The following DDX5 variants were observed in gnomAD, a reference collection of about 807,000 sequenced individuals.
The protein encoded by DDX5 is probable ATP-dependent RNA helicase DDX5.
A neutral mutation model predicts 68.6 loss-of-function variants in DDX5; 6 were observed. The ratio of observed to expected loss-of-function variants is 0.09; its 90% CI spans 0.05 to 0.17. The LOEUF (loss-of-function observed/expected upper bound fraction) is 0.17, where lower values mean the gene tolerates loss of function less well. Ranked by LOEUF, DDX5 falls within the 10% of genes least tolerant of loss-of-function variation. The pLI is 1.00. For synonymous variants in DDX5, 350 were observed against 247.0 expected, an observed-to-expected ratio of 1.42 and a Z score of -3.91; for missense variants, 499 against 756.1, an observed-to-expected ratio of 0.66 and a Z score of 3.99.
In DDX5 at chr17:64,502,187, T is replaced by C. The variant is rs782248864; in HGVS notation, c.1131A>G (p.Gln377=). Residue 377 remains glutamine, a synonymous_variant, in exon 10 of 13, where the codon CAA becomes CAG. Transcript: ENST00000225792. Reference sequence around the variant, plus strand: ...CATTTAGAACCCAGTCACGCTCTTGTTGACTCTTGTCACCATGGATACCCA... The same window carrying C: ...CATTTAGAACCCAGTCACGCTCTTGCTGACTCTTGTCACCATGGATACCCA... ...PAMGIHGDKS[Q]QERDWVLNEF... is the part of the protein sequence containing the mutation. 30 of 1,614,038 alleles carry C rather than the reference T, an allele frequency of 1.9e-5. No homozygotes were observed.
Position 64,500,011 on chromosome 17 carries a change from T to G in DDX5, c.1757A>C (p.Asn586Thr). ...QYGSNVPNMH[N>T]GMNQQAYAYP... ...TGCATATGCCTGTTGGTTCATACCA[T>G]TGTGCATATTTGGAACATTACTTCC... The change falls in exon 13 of 13, where the codon AAT (asparagine) becomes ACT (threonine). Residue 586 changes from asparagine (N) to threonine (T), a missense_variant. Transcript: ENST00000225792. 1 of 1,614,240 alleles carries G rather than the reference T, an allele frequency of 6.2e-7. No individual in the cohort carries two copies. Among genetic ancestry groups the G allele is most frequent in the Non-Finnish European group, 8.5e-7 (1 of 1,180,020 alleles).
intron 8 of DDX5, 68 bp from the exon 9 acceptor site, chr17:64,502,617 T>C: frequency 8.7e-7 from 1 of 1,149,248 alleles, no homozygotes; most frequent in Non-Finnish European, 1.3e-6. Context: ...CACACATTTA[T>C]GGTCAGCAAA....
Position 64,504,042 on chromosome 17 carries a change from C to T in DDX5, c.382G>A (p.Ala128Thr). 1.2e-6 allele frequency: 2 copies of T among 1,614,238 alleles called. No homozygotes were observed. Among genetic ancestry groups the T allele is most frequent in the Non-Finnish European group, 1.7e-6 (2 of 1,180,032 alleles). The stretch of plus-strand genomic sequence containing the variant: ...CCAACCATATCCAATCCACTTAGAG[C>T]AACTGGCCATCCCTGAGCTTGAATA... ...TAIQAQGWPV[A>T]LSGLDMVGVA... Residue 128 changes from alanine to threonine, a missense_variant, in exon 4 of 13, where the codon GCT becomes ACT. By Grantham distance (58) the Ala-to-Thr change is moderately conservative. Coordinates refer to ENST00000225792, the MANE Select transcript of DDX5 (RefSeq NM_004396.5).
intron 12 of DDX5, 41 bp from the exon 13 acceptor site, chr17:64,500,367 GAC>G: frequency 6.4e-7 from 1 of 1,570,980 alleles, no homozygotes; most frequent in Middle Eastern, 1.7e-4. Context: ...TTATGTCTAT[GAC>G]ACAAATCATT....
intron 1 of DDX5, 40 bp from the exon 2 acceptor site, chr17:64,504,882 T>C (rs1555671864): frequency 6.4e-6 from 10 of 1,570,974 alleles, no homozygotes; most frequent in South Asian, 4.8e-5. Flanking sequence ...TTCAAATGGC[T>C]ATACCCAGGT....
Position 64,506,265 on chromosome 17 carries a change from A to T in DDX5, c.-146T>A. ...TGACACCAGCCGAAGCTGCACTACT[A>T]GAGACCGGTAGAAATGAATGAGGTG... On this transcript the variant is annotated 5_prime_UTR_variant, in exon 1 of 13. Coordinates refer to ENST00000225792, the MANE Select transcript of DDX5 (RefSeq NM_004396.5). 1 of 1,539,362 alleles carries T rather than the reference A, an allele frequency of 6.5e-7. No individual in the cohort carries two copies. The highest frequency in any genetic ancestry group is 8.8e-7 in the Non-Finnish European group (1 of 1,142,694).
At position 64,499,995 on chromosome 17, in the gene DDX5, C is replaced by T; in HGVS notation, c.1773G>A (p.Gln591=). ...VPNMHNGMNQ[Q]AYAYPATAAA... ...CTGCAGTAGCAGGATATGCATATGCCTGTTGGTTCATACCATTGTGCATAT... is the reference window on the plus strand; with the variant it reads ...CTGCAGTAGCAGGATATGCATATGCTTGTTGGTTCATACCATTGTGCATAT... Residue 591 remains glutamine, a synonymous_variant, in exon 13 of 13, where the codon CAG becomes CAA. Coordinates refer to ENST00000225792, the MANE Select transcript of DDX5 (RefSeq NM_004396.5). 1 of 1,614,020 alleles carries T rather than the reference C, an allele frequency of 6.2e-7. No homozygotes were observed.
chr17:64,506,032 A>ACACC, intron 1 of DDX5, 44 bp downstream of exon 1: 1 of 442,510 alleles, frequency 2.3e-6, no homozygotes, highest in Non-Finnish European at 3.1e-6. Flanking sequence ...CCGCCCTCCC[A>ACACC]TCCCCCCACC....
Position 64,503,218 on chromosome 17 carries a change from G to T in DDX5, c.780C>A (p.Pro260=). Residue 260 remains proline (P), a synonymous_variant, in exon 7 of 13, where the codon CCC becomes CCA. Coordinates refer to ENST00000225792, the MANE Select transcript of DDX5 (RefSeq NM_004396.5). ...ADRMLDMGFE[P]QIRKIVDQIR... is the part of the protein sequence containing the mutation. Reference sequence around the variant, plus strand: ...TTTGATCCACAATCTTCCTTATTTGGGGTTCAAAGCCCATATCAAGCATTC... The same window carrying T: ...TTTGATCCACAATCTTCCTTATTTGTGGTTCAAAGCCCATATCAAGCATTC... 1.2e-6 allele frequency: 2 copies of T among 1,614,036 alleles called. No homozygotes were observed. The highest frequency in any genetic ancestry group is 1.7e-6 in the Non-Finnish European group (2 of 1,180,012).
rs1182472965 is a variant in DDX5 at position 64,506,251 on chromosome 17, G to T, written c.-132C>A. On this transcript the variant is annotated 5_prime_UTR_variant, in exon 1 of 13. Coordinates refer to ENST00000225792, the MANE Select transcript of DDX5 (RefSeq NM_004396.5). Reference sequence around the variant, plus strand: ...AGGAAGGACACCGATGACACCAGCCGAAGCTGCACTACTAGAGACCGGTAG... The same window carrying T: ...AGGAAGGACACCGATGACACCAGCCTAAGCTGCACTACTAGAGACCGGTAG... 2 of 1,547,488 alleles carry T rather than the reference G, an allele frequency of 1.3e-6. No individual in the cohort carries two copies.
At chr17:64,501,650 C>T in intron 11 of DDX5, 1 of 268,750 alleles carries the variant, frequency 3.7e-6, no homozygotes, top group Non-Finnish European at 7.1e-6. Flanking sequence ...CCATGGCAGT[C>T]ATGCAAAGCA....
chr17:64,506,791 G>C, upstream of DDX5: 1 of 543,656 alleles, frequency 1.8e-6, no homozygotes, highest in South Asian at 2.1e-5. Flanking sequence ...ACCCGCCCGG[G>C]CTGCCGGCTG....
At chr17:64,504,628 G>C (rs201933079) in intron 2 of DDX5, 49 bp downstream of exon 2, 2 of 1,545,088 alleles carry the variant, frequency 1.3e-6, no homozygotes, top group East Asian at 4.5e-5. Context: ...TCATTTACTA[G>C]AATCCACGAT....
chr17:64,504,851 A>G lies in DDX5; in HGVS notation c.45-9T>C. 5 of 1,585,398 alleles carry G rather than the reference A, an allele frequency of 3.2e-6. No homozygotes were observed. Among genetic ancestry groups the G allele is most frequent in the Non-Finnish European group, 2.6e-6 (3 of 1,171,028 alleles). On this transcript the variant is annotated splice_polypyrimidine_tract_variant and intron_variant, in intron 1 of 12. Transcript: ENST00000225792. ...ATCGAGGTGCACCAAACCTGGAATG[A>G]AAAAAAACGTTATTCACATTTTCAA...
chr17:64,501,597 A>C (rs1339132435), intron 11 of DDX5: 1 of 182,938 alleles, frequency 5.5e-6, no homozygotes, highest in East Asian at 1.5e-4. Flanking sequence ...ACTGAAACTC[A>C]AAGACCCACA....
At chr17:64,502,761 G>A (rs2038331563) in intron 8 of DDX5, 165 bp downstream of exon 8, 2 of 775,248 alleles carry the variant, frequency 2.6e-6, no homozygotes, top group African/African-American at 1.8e-5. Flanking sequence ...GCTATAAATG[G>A]TGACAGCCAT....
rs2038270759 is a variant in DDX5 at position 64,500,473 on chromosome 17, TCCAATA to T, written c.1441+70_1441+75del. 3.3e-6 allele frequency: 5 copies of T among 1,536,150 alleles called. No individual in the cohort carries two copies. The East Asian group carries it at 1.1e-4, about 35-fold the overall frequency. On this transcript the variant is annotated intron_variant, in intron 12 of 12. Transcript: ENST00000225792. Reference sequence around the variant, plus strand: ...TTCACATTCAAGGTTTTACTCACCCTCCAATACCATTTAAATGGATTTGTAGACAAC... The same window carrying T: ...TTCACATTCAAGGTTTTACTCACCCTCCATTTAAATGGATTTGTAGACAAC...
intron 1 of DDX5, 141 bp downstream of exon 1, chr17:64,505,935 G>A (rs2038487445): frequency 5.9e-6 from 9 of 1,534,580 alleles, no homozygotes; most frequent in Non-Finnish European, 7.9e-6. Flanking sequence ...ATATCAAAAT[G>A]GCGCAAGCCT....
Position 64,505,801 on chromosome 17 carries a change from G to A in DDX5, c.44+275C>T, listed in dbSNP as rs531127451. On this transcript the variant is annotated intron_variant, in intron 1 of 12. Coordinates refer to ENST00000225792, the MANE Select transcript of DDX5 (RefSeq NM_004396.5). ...CGTCCCGCTTTCATCCGCACAATAC[G>A]CTCCCTCTCAACTCCCTCAACAGCT... The A allele has an allele frequency of 4.0e-5, 62 of 1,536,090 alleles. No individual in the cohort carries two copies. The East Asian group carries it at 1.1e-3, about 27-fold the overall frequency.
Sources: gnomAD v4.1 joint callset for allele counts on GRCh38, gnomAD v4.1.1 for gene constraint, MANE v1.5 for transcripts, NCBI Gene and HGNC (gene_info 2026-07-23, HGNC 2026-07-21) for gene names.